Variants in FARS2 observed in about 807,000 individuals in gnomAD.
FARS2 encodes phenylalanyl-tRNA synthetase 2, mitochondrial, also known as phenylalanine--tRNA ligase, mitochondrial.
In FARS2, 40 loss-of-function variants were observed where a neutral mutation model predicts 46.4. The observed-to-expected ratio is 0.86, with a 90% CI of 0.67 to 1.12. The LOEUF is 1.12. Among genes scored for constraint, FARS2 ranks in the 50% most tolerant of loss-of-function variants. FARS2 has a pLI of 0.00. For missense variants in FARS2, 513 were observed against 567.9 expected (o/e 0.90, Z 0.98); for synonymous variants, 234 against 214.9 (o/e 1.09, Z -0.78).
intron 2 of FARS2, among the ~76,000 whole-genome samples, chr6:5,377,395 C>G (rs1452404622): frequency 1.3e-5 from 2 of 152,148 alleles, no homozygotes; most frequent in African/African-American, 4.8e-5. Context: ...GTCTTCATTC[C>G]CCTTTGATAA....
chr6:5,660,877 C>G (rs140841060), intron 6 of FARS2, among the ~76,000 whole-genome samples: 79 of 152,310 alleles, frequency 5.2e-4, no homozygotes, highest in African/African-American at 1.3e-3. Flanking sequence ...CACTGGGCCT[C>G]TTTGACCATG....
At chr6:5,586,155 T>C (rs1773602349) in intron 5 of FARS2, among the ~76,000 whole-genome samples, 1 of 152,194 alleles carries the variant, frequency 6.6e-6, no homozygotes, top group Non-Finnish European at 1.5e-5. Context: ...GAGCTCATAT[T>C]ATCTTCAAAC....
the FARS2 span, among the ~76,000 whole-genome samples, chr6:5,252,852 C>G: frequency 6.6e-6 from 1 of 152,134 alleles, no homozygotes; most frequent in Non-Finnish European, 1.5e-5. Context: ...CTCACACATA[C>G]CTTGACATTT....
At chr6:5,323,478 C>T (rs1307712178) in intron 1 of FARS2, among the ~76,000 whole-genome samples, 1 of 152,212 alleles carries the variant, frequency 6.6e-6, no homozygotes, top group African/African-American at 2.4e-5. Flanking sequence ...AAAAAACCTC[C>T]TACTGCTTTC....
intron 5 of FARS2, chr6:5,609,519 C>G: frequency 1.6e-6 from 2 of 1,235,772 alleles, no homozygotes; most frequent in Admixed American, 1.7e-5. Context: ...GCCACCATGA[C>G]CACTGAAGTT....
chr6:5,576,179 C>T (rs1237343345), intron 5 of FARS2, among the ~76,000 whole-genome samples: 1 of 152,082 alleles, frequency 6.6e-6, no homozygotes, highest in Non-Finnish European at 1.5e-5. Context: ...TTGTCAACTT[C>T]ATTGGATTGA....
chr6:5,758,661 C>T (rs952759426), intron 6 of FARS2, among the ~76,000 whole-genome samples: 9 of 152,140 alleles, frequency 5.9e-5, no homozygotes, highest in African/African-American at 2.2e-4. Context: ...AATGTGTTCC[C>T]CTAAATGAGT....
At chr6:5,528,803 CACACTGGA>C (rs951210428) in intron 4 of FARS2, among the ~76,000 whole-genome samples, 3 of 152,200 alleles carry the variant, frequency 2.0e-5, no homozygotes, top group Non-Finnish European at 1.5e-5. Flanking sequence ...GTAAGTCATG[CACACTGGA>C]ACTGTTCCTG....
intron 6 of FARS2, among the ~76,000 whole-genome samples, chr6:5,728,457 G>T (rs574702718): frequency 4.6e-5 from 7 of 152,270 alleles, no homozygotes; most frequent in African/African-American, 1.7e-4. Flanking sequence ...CAGGGAGGGG[G>T]TGAGGAGGTA....
chr6:5,252,760 C>T, the FARS2 span, among the ~76,000 whole-genome samples: 1 of 152,178 alleles, frequency 6.6e-6, no homozygotes, highest in South Asian at 2.1e-4. Context: ...TGCCCTTCTT[C>T]TTCCTGACTA....
intron 1 of FARS2, among the ~76,000 whole-genome samples, chr6:5,327,924 G>A (rs927601461): frequency 6.6e-6 from 1 of 152,144 alleles, no homozygotes; most frequent in African/African-American, 2.4e-5. Context: ...CGTTGATATT[G>A]TCCTGCACAT....
intron 1 of FARS2, among the ~76,000 whole-genome samples, chr6:5,284,848 C>T (rs918742437): frequency 1.3e-5 from 2 of 152,202 alleles, no homozygotes; most frequent in Non-Finnish European, 1.5e-5. Flanking sequence ...CCCTCCGTGG[C>T]CTTTCGACTC....
At chr6:5,372,325 T>C (rs1398445337) in intron 2 of FARS2, among the ~76,000 whole-genome samples, 1 of 152,120 alleles carries the variant, frequency 6.6e-6, no homozygotes, top group Non-Finnish European at 1.5e-5. Flanking sequence ...TTGGTAGCCA[T>C]AAACATATAT....
chr6:5,279,010 T>C lies in FARS2; in HGVS notation c.-22+17350T>C, dbSNP rs894882154. ...CTTGGTGATGTGTCTTGCAGATGCT[T>C]TGTGTAGGTCTTTGAAAGAGAACTT... is the stretch of plus-strand genomic sequence containing the variant. On this transcript the variant is annotated intron_variant, in intron 1 of 6. Transcript: ENST00000274680. 3.3e-5 allele frequency among the ~76,000 whole-genome samples: 5 copies of C among 152,112 alleles called. No homozygotes were observed. In the South Asian group the frequency reaches 6.2e-4, roughly 19 times the overall value.
chr6:5,690,130 A>G (rs1292126829), intron 6 of FARS2, among the ~76,000 whole-genome samples: 1 of 152,122 alleles, frequency 6.6e-6, no homozygotes, highest in Non-Finnish European at 1.5e-5. Context: ...CAGCACACTG[A>G]TGGGTCTTGA....
chr6:5,574,283 C>T (rs1036655251), intron 5 of FARS2, among the ~76,000 whole-genome samples: 7 of 152,080 alleles, frequency 4.6e-5, no homozygotes, highest in African/African-American at 1.7e-4. Context: ...TGCCACCACA[C>T]CCAGCTAATT....
intron 2 of FARS2, among the ~76,000 whole-genome samples, chr6:5,375,354 A>G (rs1759311204): frequency 6.6e-6 from 1 of 152,038 alleles, no homozygotes; most frequent in Non-Finnish European, 1.5e-5. Flanking sequence ...TAAATCTTGC[A>G]TCAGATATTT....
chr6:5,335,744 T>C (rs1451087307), intron 1 of FARS2, among the ~76,000 whole-genome samples: 1 of 152,152 alleles, frequency 6.6e-6, no homozygotes, highest in African/African-American at 2.4e-5. Flanking sequence ...TTGGAGAAAT[T>C]GTGTGACCAG....
chr6:5,356,015 C>G (rs889271790), intron 1 of FARS2, among the ~76,000 whole-genome samples: 3 of 152,196 alleles, frequency 2.0e-5, no homozygotes, highest in Non-Finnish European at 4.4e-5. Flanking sequence ...GCCCGATGCG[C>G]ATGTTCCCAG....
Sources: gnomAD v4.1 joint callset for allele counts (sites outside exome capture counted in the v4.1 genomes callset) on GRCh38, gnomAD v4.1.1 for gene constraint, MANE v1.5 for transcripts, NCBI Gene and HGNC (gene_info 2026-07-23, HGNC 2026-07-21) for gene names.